Variants in TBC1D12 observed in about 807,000 individuals in gnomAD.
TBC1D12 encodes the protein TBC1 domain family member 12, also known as TBC1 domain family, member 12.
TBC1D12 carries 56 observed loss-of-function variants against 86.7 expected under a neutral mutation model. That is an observed-to-expected ratio of 0.65 (90% CI 0.52 to 0.81). The LOEUF is 0.81. TBC1D12 is among the 30% of genes least tolerant of loss of function. The pLI is 0.00. For synonymous variants in TBC1D12, 421 were observed against 411.7 expected (o/e 1.02, Z -0.27); for missense variants, 1,023 against 1,038.8 (o/e 0.98, Z 0.21).
At chr10:94,514,056 A>G (rs1457807001) in intron 9 of TBC1D12, among the ~76,000 whole-genome samples, 8 of 151,928 alleles carry the variant, frequency 5.3e-5, no homozygotes, top group Non-Finnish European at 8.8e-5. Flanking sequence ...AAAACAAAAA[A>G]AAAAAAACAG....
intron 6 of TBC1D12, among the ~76,000 whole-genome samples, chr10:94,505,333 C>T (rs983451247): frequency 2.6e-5 from 4 of 152,170 alleles, no homozygotes. Flanking sequence ...AATCCTAGCA[C>T]TTTGGGAGGC....
intron 3 of TBC1D12, among the ~76,000 whole-genome samples, chr10:94,482,799 C>T (rs1193282632): frequency 6.6e-6 from 1 of 152,090 alleles, no homozygotes; most frequent in Non-Finnish European, 1.5e-5. Context: ...TTTCTCCCTG[C>T]CCCACTACTG....
At chr10:94,474,583 G>A in intron 2 of TBC1D12, 85 bp from the exon 3 acceptor site, 2 of 935,944 alleles carry the variant, frequency 2.1e-6, no homozygotes, top group Non-Finnish European at 3.4e-6. Flanking sequence ...CCTCATTATA[G>A]CATAATATTT....
At chr10:94,473,370 A>G (rs1351386191) in intron 2 of TBC1D12, among the ~76,000 whole-genome samples, 2 of 151,872 alleles carry the variant, frequency 1.3e-5, no homozygotes, top group Admixed American at 6.5e-5. Flanking sequence ...CAAAAAAAAA[A>G]AAGAAGAAAA....
At chr10:94,480,195 G>A (rs2056056303) in intron 3 of TBC1D12, among the ~76,000 whole-genome samples, 1 of 152,146 alleles carries the variant, frequency 6.6e-6, no homozygotes, top group African/African-American at 2.4e-5. Context: ...CTGGTAAAAG[G>A]CTGTAAGCCC....
intron 1 of TBC1D12, among the ~76,000 whole-genome samples, chr10:94,429,176 T>C (rs1282026097): frequency 2.6e-5 from 4 of 152,108 alleles, no homozygotes; most frequent in Non-Finnish European, 5.9e-5. Context: ...CTTTCAGCCT[T>C]GTAATTTCTC....
chr10:94,454,705 A>C (rs1412055872), intron 2 of TBC1D12, among the ~76,000 whole-genome samples: 1 of 152,190 alleles, frequency 6.6e-6, no homozygotes, highest in African/African-American at 2.4e-5. Context: ...ATATTGTAAG[A>C]AAGTGATTGA....
chr10:94,403,427 A>T lies in TBC1D12; in HGVS notation c.814A>T (p.Asn272Tyr). 1.9e-6 allele frequency: 3 copies of T among 1,549,546 alleles called. No homozygotes were observed. Among genetic ancestry groups the T allele is most frequent in the South Asian group, 2.4e-5 (2 of 83,966 alleles). Residue 272 changes from asparagine to tyrosine, a missense_variant, in exon 1 of 13, where the codon AAC becomes TAC. By Grantham distance (143) the Asn-to-Tyr change is moderately radical (BLOSUM62 -2). Around this residue, in one of 2 missense-constraint regions of TBC1D12, gnomAD observed 628 missense variants for 531.1 expected, o/e 1.18. Transcript: ENST00000225235. ...PRLGFSDIHF[N>Y]SRNTFQVSRG... is the part of the protein sequence containing the mutation. ...CCTGGGCTTTTCTGACATTCACTTC[A>T]ACTCTCGCAACACGTTCCAGGTGAG...
rs1255842093 is a variant in TBC1D12 at position 94,507,334 on chromosome 10, G to A, written c.1587G>A (p.Glu529=). 1 of 1,605,468 alleles carries A rather than the reference G, an allele frequency of 6.2e-7. No homozygotes were observed. Among genetic ancestry groups the A allele is most frequent in the Non-Finnish European group, 8.5e-7 (1 of 1,178,302 alleles). ...AAAGTTTCAGTGAAACAAGTTCAGAGAATGATACAGAAGGTGTGATTTCTT... is the reference window on the plus strand; with the variant it reads ...AAAGTTTCAGTGAAACAAGTTCAGAAAATGATACAGAAGGTGTGATTTCTT... ...RWKSFSETSS[E]NDTEGVSVAD... is the part of the protein sequence containing the mutation. Residue 529 remains glutamate (E), a synonymous_variant, in exon 7 of 13, where the codon GAG becomes GAA. Coordinates refer to ENST00000225235, the MANE Select transcript of TBC1D12 (RefSeq NM_015188.2).
intron 2 of TBC1D12, among the ~76,000 whole-genome samples, chr10:94,461,387 G>T (rs770629978): frequency 6.6e-6 from 1 of 152,136 alleles, no homozygotes; most frequent in Non-Finnish European, 1.5e-5. Flanking sequence ...AGTTAGGTTA[G>T]AGCAGGTTAG....
rs2056477729 is a variant in TBC1D12 at position 94,507,705 on chromosome 10, G to A, written c.1600+358G>A. ...ATATTTTTTCAATAATAAATGGTGA[G>A]GCTGGGCGGATGGCTCACACCTGTA... On this transcript the variant is annotated intron_variant, in intron 7 of 12. Transcript: ENST00000225235. Among the ~76,000 whole-genome samples the A allele has an allele frequency of 2.0e-5, 3 of 152,114 alleles. No individual in the cohort carries two copies. In the South Asian group the frequency reaches 6.2e-4, roughly 32 times the overall value.
intron 2 of TBC1D12, among the ~76,000 whole-genome samples, chr10:94,465,339 G>A (rs1364785504): frequency 2.6e-5 from 4 of 152,108 alleles, no homozygotes; most frequent in Non-Finnish European, 5.9e-5. Context: ...CTAACTCTGG[G>A]AAGCTGTTAA....
chr10:94,450,989 TAGAAC>T (rs1247752605), intron 2 of TBC1D12, among the ~76,000 whole-genome samples: 2 of 151,800 alleles, frequency 1.3e-5, no homozygotes, highest in Non-Finnish European at 2.9e-5. Flanking sequence ...GAGTAAAAAA[TAGAAC>T]AGAGGATACT....
At chr10:94,518,541 CT>C (rs1842062411) in intron 9 of TBC1D12, among the ~76,000 whole-genome samples, 1 of 152,142 alleles carries the variant, frequency 6.6e-6, no homozygotes, top group Non-Finnish European at 1.5e-5. Flanking sequence ...CGACCCTCAA[CT>C]TGAATTTGAT....
intron 3 of TBC1D12, among the ~76,000 whole-genome samples, chr10:94,493,121 A>G (rs1466254413): frequency 6.7e-6 from 1 of 148,940 alleles, no homozygotes; most frequent in African/African-American, 2.5e-5. Flanking sequence ...GTTTAAATAT[A>G]TACCAACTTA....
At chr10:94,506,294 C>T (rs1358411027) in intron 6 of TBC1D12, among the ~76,000 whole-genome samples, 1 of 152,176 alleles carries the variant, frequency 6.6e-6, no homozygotes, top group Non-Finnish European at 1.5e-5. Flanking sequence ...CCGCCTCGGC[C>T]TCCCAAAGTG....
intron 6 of TBC1D12, among the ~76,000 whole-genome samples, chr10:94,502,200 C>T (rs1268928451): frequency 2.0e-5 from 3 of 151,818 alleles, no homozygotes; most frequent in Non-Finnish European, 4.4e-5. Flanking sequence ...GGCGTGGTGG[C>T]GCATGTCTGT....
At chr10:94,460,759 A>G (rs1282339747) in intron 2 of TBC1D12, among the ~76,000 whole-genome samples, 2 of 151,730 alleles carry the variant, frequency 1.3e-5, no homozygotes, top group Admixed American at 6.6e-5. Flanking sequence ...GTTCTTGGAT[A>G]TTCTGTACTT....
chr10:94,438,575 TC>T (rs570339728), intron 1 of TBC1D12, among the ~76,000 whole-genome samples: 46 of 152,210 alleles, frequency 3.0e-4, no homozygotes, highest in Admixed American at 2.2e-3. Flanking sequence ...GGTTAGCAAC[TC>T]CAGGAACATG....
Sources: gnomAD v4.1 joint callset for allele counts (sites outside exome capture counted in the v4.1 genomes callset) on GRCh38, gnomAD v4.1.1 for gene constraint, gnomAD v4.1.1 regional missense constraint, MANE v1.5 for transcripts, NCBI Gene and HGNC (gene_info 2026-07-23, HGNC 2026-07-21) for gene names.